SCMH1: variants seen among roughly 807,000 people sequenced by gnomAD.
SCMH1 encodes polycomb protein SCMH1.
Under a neutral mutation model 70.8 loss-of-function variants are expected in SCMH1, and 37 were observed. The ratio of observed to expected loss-of-function variants is 0.52; its 90% CI spans 0.40 to 0.69. The LOEUF (loss-of-function observed/expected upper bound fraction) is 0.69. Ranked by LOEUF, SCMH1 falls within the 30% of genes least tolerant of loss-of-function variation. The pLI is 0.00. For missense variants in SCMH1, 607 were observed against 827.3 expected (o/e 0.73, Z 3.27); for synonymous variants, 292 against 307.4 (o/e 0.95, Z 0.52).
intron 1 of SCMH1, among the ~76,000 whole-genome samples, chr1:41,198,581 TGTA>T (rs1329000507): frequency 6.6e-6 from 1 of 152,180 alleles, no homozygotes; most frequent in African/African-American, 2.4e-5. Flanking sequence ...CTTCTACCCT[TGTA>T]GTACAAAAAT....
At chr1:41,099,153 T>A (rs1307859279) in intron 8 of SCMH1, 2 of 221,736 alleles carry the variant, frequency 9.0e-6, no homozygotes, top group East Asian at 1.1e-4. Flanking sequence ...AGCTGGCTAA[T>A]TCTAAATGTA....
At chr1:41,178,529 G>A (rs530933663) in intron 2 of SCMH1, among the ~76,000 whole-genome samples, 1 of 152,156 alleles carries the variant, frequency 6.6e-6, no homozygotes, top group South Asian at 2.1e-4. Context: ...AAAATAAAGG[G>A]ATGGAGGAAG....
intron 13 of SCMH1, 28 bp from the exon 14 acceptor site, chr1:41,034,076 A>G (rs1644935717): frequency 1.9e-6 from 3 of 1,588,894 alleles, no homozygotes; most frequent in Admixed American, 3.6e-5. Context: ...TGGTGTCACC[A>G]TCTCCAGTTT....
chr1:41,090,256 C>T (rs982825705), intron 8 of SCMH1, among the ~76,000 whole-genome samples: 5 of 152,166 alleles, frequency 3.3e-5, no homozygotes, highest in Admixed American at 3.3e-4. Flanking sequence ...TAAGTTAACA[C>T]AAACATGTTA....
chr1:41,236,855 T>A (rs1662492054), intron 1 of SCMH1, among the ~76,000 whole-genome samples: 4 of 152,206 alleles, frequency 2.6e-5, no homozygotes, highest in Admixed American at 2.6e-4. Flanking sequence ...TTTTCCATAT[T>A]TTCAATCCAT....
chr1:41,092,849 C>T (rs568307855), intron 8 of SCMH1, among the ~76,000 whole-genome samples: 10 of 152,082 alleles, frequency 6.6e-5, no homozygotes, highest in Admixed American at 2.0e-4. Flanking sequence ...GTTAGAATGG[C>T]GATCATTAAA....
intron 8 of SCMH1, among the ~76,000 whole-genome samples, chr1:41,091,011 C>T (rs1345339756): frequency 6.7e-6 from 1 of 149,904 alleles, no homozygotes; most frequent in African/African-American, 2.5e-5. Flanking sequence ...TGCACTCCGG[C>T]CTGGGCGAAA....
At position 41,048,901 on chromosome 1, in the gene SCMH1, CAAAG is replaced by C; in HGVS notation, c.1106-15_1106-12del. The stretch of plus-strand genomic sequence containing the variant: ...TCAAGTAGATACAAACTATGGGAGA[CAAAG>C]AATCAAAGAAGCTTCAAGAGTCTCT... On this transcript the variant is annotated splice_polypyrimidine_tract_variant and intron_variant, in intron 10 of 14. Transcript: ENST00000337495. The C allele has an allele frequency of 1.9e-6, 3 of 1,599,378 alleles. No individual in the cohort carries two copies. The highest frequency in any genetic ancestry group is 8.5e-7 in the Non-Finnish European group (1 of 1,172,482).
intron 9 of SCMH1, among the ~76,000 whole-genome samples, chr1:41,072,636 A>G (rs1656925920): frequency 6.6e-6 from 1 of 152,192 alleles, no homozygotes; most frequent in African/African-American, 2.4e-5. Flanking sequence ...TCTAGGTGGG[A>G]AAATTGCTTG....
chr1:41,096,345 G>T (rs1665052502), intron 8 of SCMH1, among the ~76,000 whole-genome samples: 1 of 152,190 alleles, frequency 6.6e-6, no homozygotes, highest in Non-Finnish European at 1.5e-5. Context: ...GGTGGAGCTG[G>T]ACATTTGAAC....
intron 5 of SCMH1, among the ~76,000 whole-genome samples, chr1:41,149,599 T>A (rs1027920208): frequency 1.8e-4 from 28 of 152,308 alleles, no homozygotes; most frequent in African/African-American, 5.5e-4. Flanking sequence ...TTCCTATAAA[T>A]CTTCTTGGGC....
At chr1:41,151,351 A>G (rs901912014) in intron 5 of SCMH1, among the ~76,000 whole-genome samples, 3 of 152,242 alleles carry the variant, frequency 2.0e-5, no homozygotes, top group Admixed American at 2.0e-4. Context: ...AAAAATTAGC[A>G]GTTGTTTTCA....
At chr1:41,188,809 A>G (rs1650936572) in intron 1 of SCMH1, among the ~76,000 whole-genome samples, 1 of 152,198 alleles carries the variant, frequency 6.6e-6, no homozygotes, top group South Asian at 2.1e-4. Flanking sequence ...ATTAATATAT[A>G]ATTATCATTT....
intron 7 of SCMH1, among the ~76,000 whole-genome samples, chr1:41,114,003 T>C (rs750307497): frequency 6.6e-6 from 1 of 152,234 alleles, no homozygotes; most frequent in Non-Finnish European, 1.5e-5. Context: ...TCTGATTCAT[T>C]TTAACTTGTA....
intron 4 of SCMH1, among the ~76,000 whole-genome samples, chr1:41,157,857 A>T (rs1413767849): frequency 6.6e-6 from 1 of 152,202 alleles, no homozygotes; most frequent in African/African-American, 2.4e-5. Context: ...TATCACCATA[A>T]TTATTTATGT....
chr1:41,037,263 G>T, intron 13 of SCMH1, 99 bp downstream of exon 13: 1 of 1,235,592 alleles, frequency 8.1e-7, no homozygotes, highest in Non-Finnish European at 1.1e-6. Flanking sequence ...CCAGGCAGAG[G>T]GCAACAGAGC....
chr1:41,038,128 C>G (rs1187829385), intron 12 of SCMH1: 1 of 152,334 alleles, frequency 6.6e-6, no homozygotes, highest in African/African-American at 2.4e-5. Context: ...CTCTGCCACT[C>G]AGCAGAGTGC....
At chr1:41,070,855 G>T in intron 9 of SCMH1, 134 bp from the exon 10 acceptor site, 2 of 1,101,838 alleles carry the variant, frequency 1.8e-6, no homozygotes, top group Non-Finnish European at 2.6e-6. Context: ...TCTCTACACA[G>T]CATCTGGCTT....
intron 13 of SCMH1, among the ~76,000 whole-genome samples, chr1:41,029,267 C>G (rs1020602134): frequency 6.6e-6 from 1 of 152,230 alleles, no homozygotes; most frequent in African/African-American, 2.4e-5. Flanking sequence ...GGCTGGAGTG[C>G]AGTGGCGCCA....
Sources: gnomAD v4.1 joint callset for allele counts (sites outside exome capture counted in the v4.1 genomes callset) on GRCh38, gnomAD v4.1.1 for gene constraint, MANE v1.5 for transcripts, NCBI Gene and HGNC (gene_info 2026-07-23, HGNC 2026-07-21) for gene names.